The following CAST variants were observed in gnomAD, a reference collection of about 807,000 sequenced individuals.
CAST encodes the protein calpastatin, also known as MIR583 host.
A neutral mutation model predicts 119.6 loss-of-function variants in CAST; 76 were observed. The ratio of observed to expected loss-of-function variants is 0.64; its 90% CI spans 0.53 to 0.77. The LOEUF (loss-of-function observed/expected upper bound fraction) is 0.77, where lower values mean the gene tolerates loss of function less well. CAST is among the 30% of genes least tolerant of loss of function. The pLI, the probability that CAST is intolerant of heterozygous loss-of-function variation, is 0.00. For synonymous variants in CAST, 319 were observed against 331.6 expected, an observed-to-expected ratio of 0.96 and a Z score of 0.41; for missense variants, 953 against 946.5, an observed-to-expected ratio of 1.01 and a Z score of -0.09.
At chr5:96,635,721 C>T (rs1216010900) in intron 1 of CAST, among the ~76,000 whole-genome samples, 1 of 152,206 alleles carries the variant, frequency 6.6e-6, no homozygotes, top group Non-Finnish European at 1.5e-5. Flanking sequence ...TTCACTAGCT[C>T]CTCCAAAACT....
chr5:96,426,159 A>G, the CAST span, among the ~76,000 whole-genome samples: 10 of 152,344 alleles, frequency 6.6e-5, no homozygotes, highest in African/African-American at 2.2e-4. Context: ...AGAAGCAGTC[A>G]GTGAAATGAT....
intron 22 of CAST, among the ~76,000 whole-genome samples, chr5:96,755,424 A>T (rs1766081466): frequency 6.6e-6 from 1 of 152,224 alleles, no homozygotes; most frequent in African/African-American, 2.4e-5. Context: ...TATAAGTTGG[A>T]AAAATAAGAG....
the CAST span, among the ~76,000 whole-genome samples, chr5:96,105,113 T>C: frequency 7.1e-6 from 1 of 141,312 alleles, no homozygotes; most frequent in Non-Finnish European, 1.5e-5. Context: ...TGAAGTTGCT[T>C]ATCAGCTTAA....
intron 1 of CAST, among the ~76,000 whole-genome samples, chr5:96,642,504 C>T (rs918998139): frequency 3.3e-5 from 5 of 150,454 alleles, no homozygotes; most frequent in East Asian, 1.9e-4. Flanking sequence ...GAATGGCTCT[C>T]GTGGTTGATA....
At chr5:96,768,040 G>A (rs1265052045) in intron 29 of CAST, 41 bp downstream of exon 29, 1 of 1,225,472 alleles carries the variant, frequency 8.2e-7, no homozygotes, top group African/African-American at 1.5e-5. Context: ...AAATGTGTGT[G>A]TGTGTATGTG....
chr5:96,131,528 T>C, the CAST span, among the ~76,000 whole-genome samples: 1 of 152,120 alleles, frequency 6.6e-6, no homozygotes, highest in Non-Finnish European at 1.5e-5. Flanking sequence ...GAAAAATAAA[T>C]GGCAGAGCTG....
At chr5:96,641,164 T>C (rs555473200) in intron 1 of CAST, among the ~76,000 whole-genome samples, 3 of 152,344 alleles carry the variant, frequency 2.0e-5, no homozygotes, top group Admixed American at 6.5e-5. Flanking sequence ...ATGCTATTAA[T>C]ACTACTGTTT....
the CAST span, among the ~76,000 whole-genome samples, chr5:96,349,122 C>T: frequency 2.1e-5 from 2 of 96,334 alleles, no homozygotes; most frequent in African/African-American, 7.9e-5. Flanking sequence ...TTTTTCTTTT[C>T]AACCAACAAG....
chr5:96,609,538 C>T (rs1054038266), intron 1 of CAST, among the ~76,000 whole-genome samples: 1 of 152,168 alleles, frequency 6.6e-6, no homozygotes, highest in Non-Finnish European at 1.5e-5. Context: ...AATGCCAATG[C>T]TCTTGTCCTG....
the CAST span, among the ~76,000 whole-genome samples, chr5:96,418,731 G>C: frequency 9.9e-5 from 15 of 152,244 alleles, no homozygotes; most frequent in African/African-American, 3.1e-4. Flanking sequence ...ATGCTAGAAG[G>C]CAAATCTACT....
the CAST span, among the ~76,000 whole-genome samples, chr5:96,385,061 A>G: frequency 6.6e-6 from 1 of 152,214 alleles, no homozygotes; most frequent in Non-Finnish European, 1.5e-5. Flanking sequence ...GGAGACAAAT[A>G]GAATGGCCCA....
chr5:96,481,625 T>G, the CAST span, among the ~76,000 whole-genome samples: 1 of 152,214 alleles, frequency 6.6e-6, no homozygotes, highest in Admixed American at 6.5e-5. Context: ...CAAAGCATCT[T>G]TTCTCATGAG....
chr5:96,253,937 G>A, the CAST span, among the ~76,000 whole-genome samples: 3 of 151,604 alleles, frequency 2.0e-5, no homozygotes, highest in Admixed American at 6.6e-5. Flanking sequence ...TTGTAGGAGA[G>A]GCTAGGGAAT....
the CAST span, among the ~76,000 whole-genome samples, chr5:96,089,670 A>G: frequency 6.6e-6 from 1 of 152,198 alleles, no homozygotes; most frequent in Non-Finnish European, 1.5e-5. Flanking sequence ...TTGTTTGTGT[A>G]TGTGTAGCCT....
chr5:96,279,956 C>T, the CAST span, among the ~76,000 whole-genome samples: 1 of 152,206 alleles, frequency 6.6e-6, no homozygotes, highest in Non-Finnish European at 1.5e-5. Flanking sequence ...TTTTTTAAAG[C>T]ACATCCTTTA....
chr5:96,507,043 T>C, the CAST span, among the ~76,000 whole-genome samples: 1 of 152,132 alleles, frequency 6.6e-6, no homozygotes, highest in African/African-American at 2.4e-5. Context: ...AATAAATACA[T>C]AATTGCAAAT....
At chr5:96,365,913 T>C in the CAST span, among the ~76,000 whole-genome samples, 1 of 152,232 alleles carries the variant, frequency 6.6e-6, no homozygotes, top group Admixed American at 6.5e-5. Context: ...ATGCAGTTTC[T>C]TCCTACCTTC....
the CAST span, among the ~76,000 whole-genome samples, chr5:96,052,728 G>T: frequency 6.6e-6 from 1 of 152,170 alleles, no homozygotes; most frequent in African/African-American, 2.4e-5. Context: ...CATTATTGAT[G>T]GAAGAATAGC....
the CAST span, among the ~76,000 whole-genome samples, chr5:96,082,046 T>C: frequency 6.6e-6 from 1 of 152,174 alleles, no homozygotes; most frequent in Non-Finnish European, 1.5e-5. Context: ...CCCAAGTAGC[T>C]GGAACTACAG....
Sources: gnomAD v4.1 joint callset for allele counts (sites outside exome capture counted in the v4.1 genomes callset) on GRCh38, gnomAD v4.1.1 for gene constraint, MANE v1.5 for transcripts, NCBI Gene and HGNC (gene_info 2026-07-23, HGNC 2026-07-21) for gene names.